The following VPS13B variants were observed in gnomAD, a reference collection of about 807,000 sequenced individuals.
VPS13B encodes the protein intermembrane lipid transfer protein VPS13B.
VPS13B carries 285 observed loss-of-function variants against 426.4 expected under a neutral mutation model. That is an observed-to-expected ratio of 0.67 (90% CI 0.61 to 0.74). The LOEUF (loss-of-function observed/expected upper bound fraction) is 0.74. Ranked by LOEUF, VPS13B falls within the 30% of genes least tolerant of loss-of-function variation. The pLI is 0.00. For missense variants in VPS13B, 4,537 were observed against 4,782.6 expected (o/e 0.95, Z 1.51); for synonymous variants, 1,676 against 1,676.4 (o/e 1.00, Z 0.01).
chr8:99,101,205 C>G (rs1846721903), intron 4 of VPS13B, among the ~76,000 whole-genome samples: 1 of 152,172 alleles, frequency 6.6e-6, no homozygotes, highest in Admixed American at 6.5e-5. Flanking sequence ...GATCCCGGCT[C>G]ACTGCAAGCT....
chr8:99,749,779 A>G (rs1810300309), intron 39 of VPS13B, among the ~76,000 whole-genome samples: 1 of 152,038 alleles, frequency 6.6e-6, no homozygotes, highest in Non-Finnish European at 1.5e-5. Context: ...GCTGGATCAT[A>G]TGATAGTTCT....
intron 19 of VPS13B, 36 bp downstream of exon 19, chr8:99,275,290 T>A: frequency 7.3e-5 from 1 of 13,754 alleles, no homozygotes; most frequent in Non-Finnish European, 1.3e-4. Flanking sequence ...CTTGTTTTGC[T>A]TTTTTTTTTT....
intron 34 of VPS13B, among the ~76,000 whole-genome samples, chr8:99,645,757 G>A (rs1464282073): frequency 2.0e-5 from 3 of 152,132 alleles, no homozygotes; most frequent in Non-Finnish European, 4.4e-5. Context: ...TTTATTAAAT[G>A]TTAATGAAAT....
At chr8:99,746,350 C>T (rs1408064058) in intron 39 of VPS13B, among the ~76,000 whole-genome samples, 2 of 152,058 alleles carry the variant, frequency 1.3e-5, no homozygotes, top group Non-Finnish European at 2.9e-5. Flanking sequence ...TAGTCTGGCC[C>T]ATCATTATAA....
chr8:99,607,293 A>G (rs865988411), intron 33 of VPS13B, among the ~76,000 whole-genome samples: 2 of 152,226 alleles, frequency 1.3e-5, no homozygotes, highest in East Asian at 3.8e-4. Context: ...TCATTGGTCT[A>G]GAGAGATAAT....
intron 34 of VPS13B, among the ~76,000 whole-genome samples, chr8:99,648,023 A>C (rs16897536): frequency 0.14 from 20,888 of 152,220 alleles, 1,988 homozygotes; most frequent in East Asian, 0.39. Context: ...CTGGCTTTTA[A>C]AATTACATCT....
chr8:99,654,933 C>A (rs944555138), intron 34 of VPS13B, among the ~76,000 whole-genome samples: 4 of 151,594 alleles, frequency 2.6e-5, no homozygotes, highest in Admixed American at 2.6e-4. Context: ...TAAGGAATCT[C>A]TAAGCACTCA....
chr8:99,626,003 A>G lies in VPS13B; in HGVS notation c.5221-15808A>G, dbSNP rs538784994. Among the ~76,000 whole-genome samples the G allele has an allele frequency of 4.6e-5, 7 of 152,364 alleles. No homozygotes were observed. The South Asian group carries it at 1.4e-3, about 32-fold the overall frequency. ...AATAAACAGAATTAGAGGAAACCAC[A>G]TACCGTATGCAAAAATTAACACAAA... On this transcript the variant is annotated intron_variant, in intron 33 of 61. Transcript: ENST00000357162.
chr8:99,847,505 G>A (rs1041841265), intron 54 of VPS13B, among the ~76,000 whole-genome samples: 9 of 152,190 alleles, frequency 5.9e-5, no homozygotes, highest in Non-Finnish European at 1.0e-4. Context: ...GACTTATATG[G>A]AGAAAAGTAT....
chr8:99,406,928 G>T (rs896236390), intron 21 of VPS13B, among the ~76,000 whole-genome samples: 5 of 152,192 alleles, frequency 3.3e-5, no homozygotes, highest in Non-Finnish European at 7.4e-5. Context: ...CTTTCATTTG[G>T]ATGGGAACAG....
chr8:99,375,618 T>G (rs1813442130), intron 19 of VPS13B, among the ~76,000 whole-genome samples: 1 of 152,232 alleles, frequency 6.6e-6, no homozygotes, highest in Non-Finnish European at 1.5e-5. Context: ...TAGTCTCTGA[T>G]TCCCCTCTTG....
At chr8:99,143,358 A>G (rs1810536616) in intron 13 of VPS13B, among the ~76,000 whole-genome samples, 193 bp downstream of exon 13, 1 of 152,194 alleles carries the variant, frequency 6.6e-6, no homozygotes, top group Non-Finnish European at 1.5e-5. Flanking sequence ...TTTGAAAATT[A>G]TTGCACAAGT....
chr8:99,653,988 T>C (rs1309389800), intron 34 of VPS13B, among the ~76,000 whole-genome samples: 2 of 151,926 alleles, frequency 1.3e-5, no homozygotes, highest in Non-Finnish European at 2.9e-5. Context: ...TGGAACTGGT[T>C]TCTTGGTTGA....
intron 9 of VPS13B, 58 bp from the exon 10 acceptor site, chr8:99,134,957 C>G: frequency 6.3e-7 from 1 of 1,593,074 alleles, no homozygotes; most frequent in Admixed American, 1.7e-5. Flanking sequence ...ACAAGGAAAG[C>G]CTCTAACATT....
chr8:99,087,561 T>C (rs1393532852), intron 3 of VPS13B, among the ~76,000 whole-genome samples: 2 of 151,116 alleles, frequency 1.3e-5, no homozygotes, highest in Non-Finnish European at 2.9e-5. Context: ...TGTTGGGAGC[T>C]GTAGACTGGC....
At chr8:99,158,719 T>C (rs906340079) in intron 15 of VPS13B, among the ~76,000 whole-genome samples, 2 of 152,204 alleles carry the variant, frequency 1.3e-5, no homozygotes, top group Admixed American at 6.5e-5. Flanking sequence ...ATTTTAAGCC[T>C]GTGGAGACCT....
At chr8:99,526,102 T>C (rs1392580742) in intron 30 of VPS13B, among the ~76,000 whole-genome samples, 2 of 104,700 alleles carry the variant, frequency 1.9e-5, no homozygotes, top group Non-Finnish European at 3.8e-5. Context: ...CAGAAAGAAA[T>C]GGGGGGGTGG....
chr8:99,712,528 C>T (rs1019795677), intron 36 of VPS13B, among the ~76,000 whole-genome samples: 4 of 152,182 alleles, frequency 2.6e-5, no homozygotes, highest in Non-Finnish European at 5.9e-5. Flanking sequence ...ATAGCTAGCT[C>T]AGTGCCTGCC....
intron 26 of VPS13B, 38 bp downstream of exon 26, chr8:99,501,896 GTCCCTCCCTCCCTCCCTCCC>G (rs554230536): frequency 3.0e-5 from 41 of 1,389,790 alleles, no homozygotes; most frequent in Non-Finnish European, 3.7e-5. Flanking sequence ...CCCTCCCTCT[GTCCCTCCCTCCCTCCCTCCC>G]TCCCTCCCTC....
Sources: allele counts gnomAD v4.1 joint callset (sites outside exome capture counted in the v4.1 genomes callset), GRCh38; gene constraint gnomAD v4.1.1; transcripts MANE v1.5; gene names NCBI Gene and HGNC (gene_info 2026-07-23, HGNC 2026-07-21).